The following CDH4 variants were observed in gnomAD, a reference collection of about 807,000 sequenced individuals.
The protein encoded by CDH4 is cadherin-4.
Under a neutral mutation model 86.0 loss-of-function variants are expected in CDH4, and 33 were observed. The ratio of observed to expected loss-of-function variants is 0.38; its 90% CI spans 0.29 to 0.51. CDH4 has a LOEUF of 0.51. Among genes scored for constraint, CDH4 ranks in the 20% least tolerant of loss-of-function variants. CDH4 has a pLI of 0.86. For synonymous variants in CDH4, 555 were observed against 549.4 expected, an observed-to-expected ratio of 1.01 and a Z score of -0.14; for missense variants, 1,114 against 1,307.4, an observed-to-expected ratio of 0.85 and a Z score of 2.28.
intron 2 of CDH4, among the ~76,000 whole-genome samples, chr20:61,591,319 A>G (rs2086518054): frequency 6.6e-6 from 1 of 152,240 alleles, no homozygotes; most frequent in Non-Finnish European, 1.5e-5. Flanking sequence ...CCATGTTAAC[A>G]TAAGTAATGT....
At chr20:61,772,031 G>A (rs985489485) in intron 3 of CDH4, among the ~76,000 whole-genome samples, 1 of 152,232 alleles carries the variant, frequency 6.6e-6, no homozygotes, top group African/African-American at 2.4e-5. Context: ...AGCAGGAGCT[G>A]CATCAGTGTC....
intron 2 of CDH4, among the ~76,000 whole-genome samples, chr20:61,527,991 T>C (rs2085923238): frequency 6.6e-6 from 1 of 152,180 alleles, no homozygotes; most frequent in African/African-American, 2.4e-5. Flanking sequence ...CTACGCAGCA[T>C]TATTCCAGGG....
chr20:61,461,443 T>C (rs948806685), intron 2 of CDH4, among the ~76,000 whole-genome samples: 5 of 152,050 alleles, frequency 3.3e-5, no homozygotes, highest in African/African-American at 1.2e-4. Context: ...AATACCTTTG[T>C]AGGAAATTAA....
chr20:61,674,981 G>C (rs1248453754), intron 2 of CDH4, among the ~76,000 whole-genome samples: 13 of 152,172 alleles, frequency 8.5e-5, no homozygotes, highest in Admixed American at 2.6e-4. Flanking sequence ...ATTAGAAAGA[G>C]ACATTGTGGC....
chr20:61,299,851 G>A (rs1407227485), intron 2 of CDH4, among the ~76,000 whole-genome samples: 1 of 152,166 alleles, frequency 6.6e-6, no homozygotes, highest in Non-Finnish European at 1.5e-5. Context: ...TAAACTATAA[G>A]CCATAAGTAA....
intron 2 of CDH4, among the ~76,000 whole-genome samples, chr20:61,519,701 T>G (rs530325369): frequency 6.6e-6 from 1 of 152,366 alleles, no homozygotes; most frequent in South Asian, 2.1e-4. Flanking sequence ...GTCTATTCTT[T>G]CGTTGTTCCT....
At chr20:61,321,434 A>G (rs1311742525) in intron 2 of CDH4, among the ~76,000 whole-genome samples, 1 of 147,066 alleles carries the variant, frequency 6.8e-6, no homozygotes, top group African/African-American at 2.5e-5. Context: ...TAAAAAATAT[A>G]GCCTTGGAAT....
In CDH4 at chr20:61,681,479, T is replaced by C. The variant is rs1438957081; in HGVS notation, c.170-62084T>C. Among the ~76,000 whole-genome samples the C allele has an allele frequency of 1.3e-5, 2 of 152,180 alleles. No individual in the cohort carries two copies. The highest frequency in any genetic ancestry group is 4.8e-5 in the African/African-American group (2 of 41,432). On this transcript the variant is annotated intron_variant, in intron 2 of 15. Coordinates refer to ENST00000614565, the MANE Select transcript of CDH4 (RefSeq NM_001794.5). The surrounding 1 kb of genome is among the most constrained non-coding windows in gnomAD (Gnocchi z 4.5). ...TCTGTTGGCTTCTGAGCTCTTGTTC[T>C]GAGGGGTGGGAGAATTAGACAATCC...
intron 2 of CDH4, among the ~76,000 whole-genome samples, chr20:61,590,884 G>A (rs1043262265): frequency 6.6e-6 from 1 of 152,132 alleles, no homozygotes; most frequent in African/African-American, 2.4e-5. Context: ...TATGGGGGGG[G>A]GGGTCCCCGG....
intron 2 of CDH4, among the ~76,000 whole-genome samples, chr20:61,280,560 C>T (rs1461432659): frequency 6.6e-6 from 1 of 152,196 alleles, no homozygotes; most frequent in African/African-American, 2.4e-5. Context: ...ACTAGAAAGC[C>T]AGGGTTTCAC....
In CDH4 at chr20:61,298,640, A is replaced by G. The variant is rs564468350; in HGVS notation, c.169+43703A>G. Among the ~76,000 whole-genome samples the G allele has an allele frequency of 1.2e-4, 17 of 144,796 alleles. No individual in the cohort carries two copies. In the South Asian group the frequency reaches 3.1e-3, roughly 26 times the overall value. 95.0% of individuals were successfully genotyped at this position (144,796 alleles called of 152,430 possible). ...CAATAACATTTTTTTTCTGAGACACACTCTGAGACTTCTGGCACCCACCGT... is the reference window on the plus strand; with the variant it reads ...CAATAACATTTTTTTTCTGAGACACGCTCTGAGACTTCTGGCACCCACCGT... On this transcript the variant is annotated intron_variant, in intron 2 of 15. Transcript: ENST00000614565.
chr20:61,937,944 G>A lies in CDH4; in HGVS notation c.*1001G>A, dbSNP rs577026021. 1.3e-4 allele frequency: 20 copies of A among 152,562 alleles called. No homozygotes were observed. Among genetic ancestry groups the A allele is most frequent in the African/African-American group, 4.6e-4 (19 of 41,588 alleles). The allele number at this position is 152,562 out of a possible 1,614,324, so 9.5% of individuals were successfully genotyped here. On this transcript the variant is annotated 3_prime_UTR_variant, in exon 16 of 16. Coordinates refer to ENST00000614565, the MANE Select transcript of CDH4 (RefSeq NM_001794.5). The stretch of plus-strand genomic sequence containing the variant: ...CTCCAACCATCCGGAGGGCTGTGCA[G>A]ATGGCAGGAACCAAGGACCCTCCCT...
chr20:61,849,930 A>G (rs897090717), intron 5 of CDH4, among the ~76,000 whole-genome samples: 5 of 152,124 alleles, frequency 3.3e-5, no homozygotes, highest in Non-Finnish European at 7.4e-5. Context: ...GCCATCTTAG[A>G]GTTTTTCCTA....
chr20:61,424,963 G>C (rs575134641), intron 2 of CDH4, among the ~76,000 whole-genome samples: 1 of 152,212 alleles, frequency 6.6e-6, no homozygotes, highest in East Asian at 1.9e-4. Flanking sequence ...GACCCACCAC[G>C]TGCAGCTTTG....
intron 2 of CDH4, among the ~76,000 whole-genome samples, chr20:61,611,760 C>T (rs1412904653): frequency 3.3e-5 from 5 of 152,100 alleles, no homozygotes; most frequent in Admixed American, 1.3e-4. Context: ...AGGCTTGAAC[C>T]GGGAAGCAAG....
At chr20:61,465,106 T>C (rs914279891) in intron 2 of CDH4, among the ~76,000 whole-genome samples, 1 of 152,242 alleles carries the variant, frequency 6.6e-6, no homozygotes, top group Non-Finnish European at 1.5e-5. Flanking sequence ...ACAGGGACTT[T>C]GATCTGGCAT....
At chr20:61,626,104 A>G (rs974475339) in intron 2 of CDH4, among the ~76,000 whole-genome samples, 2 of 152,216 alleles carry the variant, frequency 1.3e-5, no homozygotes, top group Non-Finnish European at 2.9e-5. Context: ...TCCTGGGTTC[A>G]GGGGTTGTAG....
At chr20:61,488,411 TC>T (rs1426828323) in intron 2 of CDH4, among the ~76,000 whole-genome samples, 26 of 152,296 alleles carry the variant, frequency 1.7e-4, no homozygotes, top group African/African-American at 6.3e-4. Context: ...TTCACACGGG[TC>T]CCCTGTGGAA....
chr20:61,585,666 TGTGATG>T (rs575024147), intron 2 of CDH4, among the ~76,000 whole-genome samples: 3 of 140,368 alleles, frequency 2.1e-5, no homozygotes, highest in African/African-American at 5.3e-5. Flanking sequence ...TGATGGTGAT[TGTGATG>T]GTGATGGTGA....
Sources: allele counts gnomAD v4.1 joint callset (sites outside exome capture counted in the v4.1 genomes callset), GRCh38; gene constraint gnomAD v4.1.1; non-coding constraint Gnocchi (gnomAD v3.1); transcripts MANE v1.5; gene names NCBI Gene and HGNC (gene_info 2026-07-23, HGNC 2026-07-21).